Variants in CSMD1 observed in about 807,000 individuals in gnomAD.
The protein encoded by CSMD1 is CUB and sushi domain-containing protein 1.
A neutral mutation model predicts 417.5 loss-of-function variants in CSMD1; 213 were observed. The ratio of observed to expected loss-of-function variants is 0.51; its 90% CI spans 0.46 to 0.57. The LOEUF (loss-of-function observed/expected upper bound fraction) is 0.57. Among genes scored for constraint, CSMD1 ranks in the 20% least tolerant of loss-of-function variants. CSMD1 has a pLI of 0.00. For synonymous variants in CSMD1, 2,862 were observed against 1,736.8 expected (o/e 1.65, Z -16.11); for missense variants, 6,923 against 4,529.7 (o/e 1.53, Z -15.17).
intron 56 of CSMD1, among the ~76,000 whole-genome samples, chr8:2,974,011 A>G (rs1048245997): frequency 1.7e-4 from 21 of 121,230 alleles, no homozygotes; most frequent in South Asian, 2.9e-4. Flanking sequence ...GTAGAGGATG[A>G]TGGTAGAGGA....
chr8:3,571,046 G>C lies in CSMD1; in HGVS notation c.1344+3899C>G, dbSNP rs902279939. Among the ~76,000 whole-genome samples the C allele has an allele frequency of 2.0e-5, 3 of 152,252 alleles. No homozygotes were observed. The South Asian group carries it at 6.2e-4, about 32-fold the overall frequency. ...AATGAATTTGGAAAGTGGAAACTGT[G>C]GGTATTCCACTCCAGGGCAAAACAC... On this transcript the variant is annotated intron_variant, in intron 10 of 69. Coordinates refer to ENST00000635120, the MANE Select transcript of CSMD1 (RefSeq NM_033225.6).
At chr8:4,137,924 T>C (rs1470960559) in intron 3 of CSMD1, among the ~76,000 whole-genome samples, 3 of 151,930 alleles carry the variant, frequency 2.0e-5, no homozygotes, top group Admixed American at 2.0e-4. Context: ...GTCGCCCAGG[T>C]TGGAGTGCAG....
intron 5 of CSMD1, among the ~76,000 whole-genome samples, chr8:3,977,712 G>A (rs1813546407): frequency 6.6e-6 from 1 of 152,152 alleles, no homozygotes; most frequent in African/African-American, 2.4e-5. Flanking sequence ...TGTCATAGAT[G>A]CCTGGAAATG....
intron 18 of CSMD1, 91 bp downstream of exon 18, chr8:3,387,403 C>A (rs1169937224): frequency 4.7e-5 from 50 of 1,062,178 alleles, no homozygotes; most frequent in Non-Finnish European, 6.4e-5. Context: ...AAGGTACCAC[C>A]CCCTGAAATA....
intron 3 of CSMD1, among the ~76,000 whole-genome samples, chr8:4,346,431 T>C (rs1016396823): frequency 6.6e-6 from 1 of 152,110 alleles, no homozygotes; most frequent in Non-Finnish European, 1.5e-5. Context: ...ACCCACACAG[T>C]ATCTGGCCCT....
rs76596706 is a variant in CSMD1 at position 4,045,075 on chromosome 8, T to G, written c.416-12976A>C. On this transcript the variant is annotated intron_variant, in intron 3 of 69. Coordinates refer to ENST00000635120, the MANE Select transcript of CSMD1 (RefSeq NM_033225.6). ...GGAAAGCCTTGTGCCTGAGGTATGG[T>G]GTGGAGGCCACAGACGGGGCACAGG... Among the ~76,000 whole-genome samples, 1,478 of 152,282 alleles carry G rather than the reference T, an allele frequency of 9.7e-3. 25 individuals carry two copies. Among genetic ancestry groups the G allele is most frequent in the African/African-American group, 0.033 (1,366 of 41,566 alleles).
intron 4 of CSMD1, among the ~76,000 whole-genome samples, chr8:4,024,237 T>C (rs533210970): frequency 1.2e-4 from 18 of 152,278 alleles, no homozygotes; most frequent in Non-Finnish European, 2.1e-4. Flanking sequence ...AACATATTAA[T>C]ACTCATATCA....
chr8:4,130,596 T>G (rs894111416), intron 3 of CSMD1, among the ~76,000 whole-genome samples: 5 of 152,174 alleles, frequency 3.3e-5, no homozygotes, highest in Non-Finnish European at 7.3e-5. Flanking sequence ...CTTGCAAAAT[T>G]GTATTACGCT....
chr8:4,466,832 G>C (rs1026817190), intron 2 of CSMD1, among the ~76,000 whole-genome samples: 10 of 152,012 alleles, frequency 6.6e-5, no homozygotes, highest in Non-Finnish European at 1.5e-4. Flanking sequence ...TAAATTCAGA[G>C]AGCAGGGGAA....
rs73514651 is a variant in CSMD1, at chr8:4,478,292, C to G, written c.303-58227G>C. Among the ~76,000 whole-genome samples, 818 of 152,260 alleles carry G rather than the reference C, an allele frequency of 5.4e-3. 2 individuals carry two copies. Among genetic ancestry groups the G allele is most frequent in the African/African-American group, 0.019 (769 of 41,562 alleles). Reference sequence around the variant, plus strand: ...TCCTAAGGTTGAAAATAGTAAAAAGCAACTCAAAGCAACATGAGTTGCCTC... The same window carrying G: ...TCCTAAGGTTGAAAATAGTAAAAAGGAACTCAAAGCAACATGAGTTGCCTC... On this transcript the variant is annotated intron_variant, in intron 2 of 69. Coordinates refer to ENST00000635120, the MANE Select transcript of CSMD1 (RefSeq NM_033225.6).
intron 26 of CSMD1, among the ~76,000 whole-genome samples, chr8:3,231,254 TCA>T (rs1168517005): frequency 6.6e-6 from 1 of 152,204 alleles, no homozygotes; most frequent in Admixed American, 6.5e-5. Flanking sequence ...ATTTTTACTT[TCA>T]GTTAGAATAA....
intron 1 of CSMD1, among the ~76,000 whole-genome samples, chr8:4,805,959 T>C (rs2117307667): frequency 6.6e-6 from 1 of 152,294 alleles, no homozygotes; most frequent in Non-Finnish European, 1.5e-5. Flanking sequence ...TAGACGATTT[T>C]TTAATTACCA....
intron 1 of CSMD1, among the ~76,000 whole-genome samples, chr8:4,666,384 C>T (rs1488254687): frequency 6.6e-6 from 1 of 152,034 alleles, no homozygotes; most frequent in African/African-American, 2.4e-5. Context: ...GAAAGTGAGT[C>T]AACATGATAA....
intron 49 of CSMD1, among the ~76,000 whole-genome samples, chr8:3,067,291 C>T (rs540547043): frequency 2.6e-5 from 4 of 152,254 alleles, no homozygotes; most frequent in East Asian, 1.9e-4. Flanking sequence ...CATTACCAGA[C>T]GCTCTCACTT....
chr8:3,671,560 C>CAT (rs752837903), intron 7 of CSMD1, among the ~76,000 whole-genome samples: 110 of 6,522 alleles, frequency 0.017, 7 homozygotes, highest in Non-Finnish European at 0.025. Context: ...TATATATGAT[C>CAT]ATATATATAT....
At chr8:3,026,615 C>G (rs567466897) in intron 51 of CSMD1, among the ~76,000 whole-genome samples, 1 of 152,154 alleles carries the variant, frequency 6.6e-6, no homozygotes, top group African/African-American at 2.4e-5. Flanking sequence ...CTCACTGGAC[C>G]TCACCGGGCC....
At chr8:4,774,587 G>A (rs908549826) in intron 1 of CSMD1, among the ~76,000 whole-genome samples, 1 of 152,172 alleles carries the variant, frequency 6.6e-6, no homozygotes, top group African/African-American at 2.4e-5. Context: ...CCAAAAGTAA[G>A]TTTGGGAGTT....
Position 3,110,452 on chromosome 8 carries a change from G to A in CSMD1, c.6431-117C>T, listed in dbSNP as rs1033044712. ...ATTTTTCCTGATGGGAAATAGGTGT[G>A]AAATATTTCTGAATCACCATTTTGT... On this transcript the variant is annotated intron_variant, in intron 42 of 69. Transcript: ENST00000635120. 2.5e-5 allele frequency: 19 copies of A among 773,262 alleles called. No homozygotes were observed. In the African/African-American group the frequency reaches 3.2e-4, roughly 13 times the overall value. The allele number at this position is 773,262 out of a possible 1,614,324, so 47.9% of individuals were successfully genotyped here.
Position 4,637,521 on chromosome 8 carries a change from G to A in CSMD1, c.123C>T (p.Gly41=), listed in dbSNP as rs35620271. The A allele has an allele frequency of 7.4e-4, 1,188 of 1,613,712 alleles. 12 individuals carry two copies. In the African/African-American group the frequency reaches 0.011, roughly 16 times the overall value. The change falls in exon 2 of 70, where the codon GGC becomes GGT. Residue 41 remains glycine (G), a synonymous_variant. Coordinates refer to ENST00000635120, the MANE Select transcript of CSMD1 (RefSeq NM_033225.6). ...NCGGLVQGPN[G]TIESPGFPHG... ...GAGGAAACCCTGGGCTCTCAATAGT[G>A]CCATTGGGACCCTGGACTAAGCCTC...
Sources: gnomAD v4.1 joint callset for allele counts (sites outside exome capture counted in the v4.1 genomes callset) on GRCh38, gnomAD v4.1.1 for gene constraint, MANE v1.5 for transcripts, NCBI Gene and HGNC (gene_info 2026-07-23, HGNC 2026-07-21) for gene names.